Variants in PTPRO observed in about 807,000 individuals in gnomAD.
PTPRO encodes the protein receptor-type tyrosine-protein phosphatase O.
PTPRO carries 62 observed loss-of-function variants against 145.2 expected under a neutral mutation model. That is an observed-to-expected ratio of 0.43 (90% CI 0.35 to 0.53). The LOEUF is 0.53. Among genes scored for constraint, PTPRO ranks in the 20% least tolerant of loss-of-function variants. The probability of loss-of-function intolerance (pLI) is 0.01; values close to 1 mark genes in which losing one functional copy is unlikely to be tolerated. For missense variants in PTPRO, 1,345 were observed against 1,482.7 expected, an observed-to-expected ratio of 0.91 and a Z score of 1.53; for synonymous variants, 565 against 514.7, an observed-to-expected ratio of 1.10 and a Z score of -1.32.
chr12:15,324,887 G>T (rs565071140), intron 1 of PTPRO, among the ~76,000 whole-genome samples: 1 of 152,082 alleles, frequency 6.6e-6, no homozygotes, highest in Non-Finnish European at 1.5e-5. Flanking sequence ...TACATGGTGC[G>T]TTGGGCACAT....
intron 1 of PTPRO, among the ~76,000 whole-genome samples, chr12:15,483,275 A>T (rs1230925690): frequency 6.6e-6 from 1 of 152,136 alleles, no homozygotes; most frequent in East Asian, 1.9e-4. Context: ...AATTCCATGG[A>T]TGACTTTTCA....
intron 15 of PTPRO, among the ~76,000 whole-genome samples, chr12:15,557,032 GTT>G (rs552264784): frequency 0.056 from 7,833 of 139,900 alleles, 635 homozygotes; most frequent in African/African-American, 0.19. Flanking sequence ...CTTTTATTTT[GTT>G]TTTTTTTTTT....
At chr12:15,548,332 AG>A (rs1434893142) in intron 13 of PTPRO, among the ~76,000 whole-genome samples, 1 of 152,238 alleles carries the variant, frequency 6.6e-6, no homozygotes, top group Non-Finnish European at 1.5e-5. Flanking sequence ...TTGATGCCAA[AG>A]GTGAGTAACT....
intron 11 of PTPRO, 93 bp from the exon 12 acceptor site, chr12:15,526,049 G>T: frequency 6.9e-7 from 1 of 1,447,050 alleles, no homozygotes; most frequent in Non-Finnish European, 9.7e-7. Context: ...AGAACAGAGA[G>T]GGAATGTGTC....
At chr12:15,432,755 G>A in intron 1 of PTPRO, among the ~76,000 whole-genome samples, 1 of 152,200 alleles carries the variant, frequency 6.6e-6, no homozygotes, top group East Asian at 1.9e-4. Flanking sequence ...AATAATCAGT[G>A]ATGCTGAGCT....
At chr12:15,339,906 C>T (rs929751618) in intron 1 of PTPRO, among the ~76,000 whole-genome samples, 1 of 152,140 alleles carries the variant, frequency 6.6e-6, no homozygotes, top group African/African-American at 2.4e-5. Flanking sequence ...ATGTACATAA[C>T]CATGCCACCA....
intron 1 of PTPRO, among the ~76,000 whole-genome samples, chr12:15,461,946 C>T (rs1941313845): frequency 6.6e-6 from 1 of 152,024 alleles, no homozygotes; most frequent in Non-Finnish European, 1.5e-5. Context: ...TTCCTTTGTT[C>T]CCAAAAGAAA....
Position 15,586,990 on chromosome 12 carries a change from T to C in PTPRO, c.3349T>C (p.Phe1117Leu). The change falls in exon 24 of 27, where the codon TTT (phenylalanine) becomes CTT (leucine). Residue 1117 changes from phenylalanine to leucine, a missense_variant. Transcript: ENST00000281171. ...AAATGCTGCAGAAAGTATCCTGCAG[T>C]TTGTACACATGGTCCGACAGCAAGC... is the stretch of plus-strand genomic sequence containing the variant. ...TANAAESILQ[F>L]VHMVRQQATK... 1 of 1,614,052 alleles carries C rather than the reference T, an allele frequency of 6.2e-7. No individual in the cohort carries two copies. Among genetic ancestry groups the C allele is most frequent in the Non-Finnish European group, 8.5e-7 (1 of 1,179,982 alleles).
intron 5 of PTPRO, among the ~76,000 whole-genome samples, chr12:15,502,812 C>T (rs1386092816): frequency 6.6e-6 from 1 of 151,954 alleles, no homozygotes; most frequent in Non-Finnish European, 1.5e-5. Context: ...TTAGTTTTTA[C>T]AGTAATATAC....
intron 15 of PTPRO, among the ~76,000 whole-genome samples, chr12:15,553,330 T>A (rs1314888438): frequency 6.6e-6 from 1 of 151,972 alleles, no homozygotes; most frequent in Admixed American, 6.6e-5. Context: ...GGAAACAAGG[T>A]CAGGTAAGGG....
At chr12:15,466,518 G>A (rs1296656547) in intron 1 of PTPRO, among the ~76,000 whole-genome samples, 2 of 152,146 alleles carry the variant, frequency 1.3e-5, no homozygotes, top group Non-Finnish European at 2.9e-5. Flanking sequence ...GTTTTGCAAT[G>A]CCTATAATGG....
At chr12:15,569,757 G>T (rs1409107075) in intron 19 of PTPRO, among the ~76,000 whole-genome samples, 3 of 152,182 alleles carry the variant, frequency 2.0e-5, no homozygotes, top group Non-Finnish European at 4.4e-5. Flanking sequence ...TATAGTAGAA[G>T]CCATCATTGA....
chr12:15,477,149 C>T (rs1276205632), intron 1 of PTPRO, among the ~76,000 whole-genome samples: 1 of 49,938 alleles, frequency 2.0e-5, no homozygotes, highest in South Asian at 9.3e-4. Flanking sequence ...GGCACATATA[C>T]ACCATGGAAT....
intron 1 of PTPRO, among the ~76,000 whole-genome samples, chr12:15,388,227 G>A (rs900506247): frequency 6.6e-6 from 1 of 151,738 alleles, no homozygotes; most frequent in Non-Finnish European, 1.5e-5. Flanking sequence ...TATAACATAC[G>A]GATTACCCTA....
intron 1 of PTPRO, among the ~76,000 whole-genome samples, chr12:15,425,430 A>G (rs1940258454): frequency 6.6e-6 from 1 of 152,150 alleles, no homozygotes; most frequent in Non-Finnish European, 1.5e-5. Flanking sequence ...AGGGAATGCT[A>G]CAAAGCCCTG....
intron 1 of PTPRO, among the ~76,000 whole-genome samples, chr12:15,396,216 G>A (rs1042256666): frequency 3.9e-5 from 6 of 152,220 alleles, no homozygotes; most frequent in South Asian, 4.1e-4. Context: ...ACAGAAATAC[G>A]TAGGTTCAGG....
intron 1 of PTPRO, among the ~76,000 whole-genome samples, chr12:15,392,835 C>T (rs1238931786): frequency 6.6e-6 from 1 of 151,794 alleles, no homozygotes; most frequent in African/African-American, 2.4e-5. Context: ...CCTGCTAGCA[C>T]TGGGGTTGTT....
chr12:15,496,343 T>A (rs985785498), intron 2 of PTPRO, among the ~76,000 whole-genome samples: 1 of 152,016 alleles, frequency 6.6e-6, no homozygotes, highest in African/African-American at 2.4e-5. Context: ...GGTTTCTCCA[T>A]GTTGGTCAGG....
At chr12:15,342,894 C>T (rs1266388654) in intron 1 of PTPRO, among the ~76,000 whole-genome samples, 1 of 152,124 alleles carries the variant, frequency 6.6e-6, no homozygotes, top group South Asian at 2.1e-4. Context: ...TCAGTGTCAC[C>T]AATTATTCAG....
Sources: gnomAD v4.1 joint callset for allele counts (sites outside exome capture counted in the v4.1 genomes callset) on GRCh38, gnomAD v4.1.1 for gene constraint, MANE v1.5 for transcripts, NCBI Gene and HGNC (gene_info 2026-07-23, HGNC 2026-07-21) for gene names.